Variants in UGT1A7 observed in about 807,000 individuals in gnomAD.
The protein encoded by UGT1A7 is UDP-glucuronosyltransferase 1A7.
A neutral mutation model predicts 45.6 loss-of-function variants in UGT1A7; 33 were observed. The ratio of observed to expected loss-of-function variants is 0.72; its 90% CI spans 0.55 to 0.97. UGT1A7 has a LOEUF of 0.97. Among genes scored for constraint, UGT1A7 ranks in the 50% least tolerant of loss-of-function variants. The probability of loss-of-function intolerance (pLI) is 0.00; values close to 1 mark genes in which losing one functional copy is unlikely to be tolerated. For missense variants in UGT1A7, 684 were observed against 666.2 expected, an observed-to-expected ratio of 1.03 and a Z score of -0.29; for synonymous variants, 274 against 250.6, an observed-to-expected ratio of 1.09 and a Z score of -0.88.
chr2:233,762,063 T>A (rs1697956062), intron 1 of UGT1A7, among the ~76,000 whole-genome samples: 1 of 152,180 alleles, frequency 6.6e-6, no homozygotes, highest in Non-Finnish European at 1.5e-5. Flanking sequence ...TCATAGCACA[T>A]CAAATATGGC....
At chr2:233,687,154 A>C (rs2074825974) in intron 1 of UGT1A7, among the ~76,000 whole-genome samples, 1 of 152,256 alleles carries the variant, frequency 6.6e-6, no homozygotes, top group Non-Finnish European at 1.5e-5. Flanking sequence ...TAATACATGC[A>C]GATGACTGGC....
Position 233,729,585 on chromosome 2 carries a change from C to T in UGT1A7, c.856-37449C>T, listed in dbSNP as rs138617806. ...CCTTTGATGTGGTTTTAACAGACCC[C>T]GTTAACCTCTGCGCGGCAGTGCTGG... On this transcript the variant is annotated intron_variant, in intron 1 of 4. Transcript: ENST00000373426. 5.8e-5 allele frequency: 94 copies of T among 1,614,084 alleles called. 1 individual carries two copies. Among genetic ancestry groups the T allele is most frequent in the East Asian group, 4.2e-4 (19 of 44,882 alleles).
intron 1 of UGT1A7, chr2:233,713,315 G>A (rs1559359231): frequency 1.9e-6 from 3 of 1,614,100 alleles, no homozygotes; most frequent in Admixed American, 1.7e-5. Context: ...ATCTTCTGAT[G>A]AAATTTTCTA....
At position 233,769,409 on chromosome 2, in the gene UGT1A7, G is replaced by T; in HGVS notation, c.1295+970G>T. The T allele has an allele frequency of 7.6e-7, 1 of 1,316,726 alleles. No individual in the cohort carries two copies. Among genetic ancestry groups the T allele is most frequent in the South Asian group, 1.3e-5 (1 of 78,812 alleles). 81.6% of individuals were successfully genotyped at this position (1,316,726 alleles called of 1,614,324 possible). A position where few individuals can be genotyped will look rare whatever the true frequency, so the allele number is the denominator to read the frequency against. On this transcript the variant is annotated intron_variant, in intron 4 of 4. Transcript: ENST00000373426. The surrounding 1 kb of genome is among the most constrained non-coding windows in gnomAD (Gnocchi z 4.4). The stretch of plus-strand genomic sequence containing the variant: ...AGATACTGTGTGCATATGTGCGTGT[G>T]CGTTTGTGCATGTGGCTGTGCTCAT...
intron 1 of UGT1A7, among the ~76,000 whole-genome samples, chr2:233,742,528 A>G (rs896768700): frequency 1.3e-5 from 2 of 151,872 alleles, no homozygotes; most frequent in Admixed American, 6.5e-5. Flanking sequence ...AGTGCTGCAG[A>G]GATTTTGTTT....
chr2:233,748,177 G>A, intron 1 of UGT1A7: 1 of 1,581,678 alleles, frequency 6.3e-7, no homozygotes, highest in Middle Eastern at 2.3e-4. Context: ...TTATCTTTCT[G>A]GTGCTTTTAT....
At chr2:233,728,575 A>G (rs1420675714) in intron 1 of UGT1A7, among the ~76,000 whole-genome samples, 5 of 152,224 alleles carry the variant, frequency 3.3e-5, no homozygotes, top group Non-Finnish European at 7.3e-5. Context: ...TCCTGGTGCG[A>G]AAAACGACCA....
At chr2:233,729,959 G>T (rs1416622482) in intron 1 of UGT1A7, 2 of 1,614,018 alleles carry the variant, frequency 1.2e-6, no homozygotes, top group South Asian at 2.2e-5. Context: ...TTCATTGGGG[G>T]CATCAACTGT....
chr2:233,748,954 C>G (rs1349169273), intron 1 of UGT1A7, among the ~76,000 whole-genome samples: 2 of 151,646 alleles, frequency 1.3e-5, no homozygotes, highest in Non-Finnish European at 2.9e-5. Context: ...TATCCCACTC[C>G]AAGTTTCTAT....
At chr2:233,746,254 A>G (rs184175169) in intron 1 of UGT1A7, among the ~76,000 whole-genome samples, 17 of 151,944 alleles carry the variant, frequency 1.1e-4, no homozygotes, top group Non-Finnish European at 1.5e-4. Context: ...ACAAGGCAGA[A>G]CAGAACAAAA....
At chr2:233,738,160 TTCTC>T (rs1212480209) in intron 1 of UGT1A7, among the ~76,000 whole-genome samples, 1 of 152,184 alleles carries the variant, frequency 6.6e-6, no homozygotes, top group Non-Finnish European at 1.5e-5. Context: ...CTATTCCTCT[TTCTC>T]TCTTTCATGT....
chr2:233,755,190 G>A, intron 1 of UGT1A7: 9 of 1,160,210 alleles, frequency 7.8e-6, no homozygotes, highest in Non-Finnish European at 7.2e-6. Context: ...CCACTTGAGC[G>A]CCAGCTTGCG....
chr2:233,725,129 T>C (rs1238705631), intron 1 of UGT1A7, among the ~76,000 whole-genome samples: 2 of 136,286 alleles, frequency 1.5e-5, no homozygotes, highest in Non-Finnish European at 3.1e-5. Flanking sequence ...TGAGCCGAGA[T>C]GGCAGCAGTA....
chr2:233,701,384 C>T (rs558029810), intron 1 of UGT1A7, among the ~76,000 whole-genome samples: 5 of 152,108 alleles, frequency 3.3e-5, no homozygotes, highest in Non-Finnish European at 7.4e-5. Context: ...GACTCCCACA[C>T]AATAATAGTG....
intron 1 of UGT1A7, among the ~76,000 whole-genome samples, chr2:233,764,949 G>A (rs1698700873): frequency 6.6e-6 from 1 of 152,108 alleles, no homozygotes. Context: ...GGCGGGGAGA[G>A]AGGGCTCACC....
intron 1 of UGT1A7, among the ~76,000 whole-genome samples, chr2:233,687,679 G>A (rs1024397203): frequency 4.0e-5 from 6 of 151,660 alleles, no homozygotes; most frequent in Admixed American, 1.3e-4. Context: ...AAGGCAGGAA[G>A]ATCACTTAAG....
chr2:233,712,191 C>T (rs1334257892), intron 1 of UGT1A7, among the ~76,000 whole-genome samples: 1 of 152,204 alleles, frequency 6.6e-6, no homozygotes, highest in Non-Finnish European at 1.5e-5. Flanking sequence ...CTCCAGCTCC[C>T]CCGGTCCCTT....
rs34459843 is a variant in UGT1A7 at position 233,690,776 on chromosome 2, TACACACACAC to T, written c.855+7999_855+8008del. ...GTGCAGACATACACACACACACACA[TACACACACAC>T]ACACACACACACACCATTCTTAGTA... On this transcript the variant is annotated intron_variant, in intron 1 of 4. Transcript: ENST00000373426. 189 of 1,063,532 alleles carry T rather than the reference TACACACACAC, an allele frequency of 1.8e-4. 1 individual carries two copies. The African/African-American group carries it at 2.4e-3, about 13-fold the overall frequency. 65.9% of individuals were successfully genotyped at this position (1,063,532 alleles called of 1,614,324 possible).
chr2:233,695,130 C>CTTTTTTTTTT (rs71398796), intron 1 of UGT1A7, among the ~76,000 whole-genome samples: 1 of 138,840 alleles, frequency 7.2e-6, no homozygotes. Context: ...CTTTTCTTTT[C>CTTTTTTTTTT]TTTTTTTTTT....
Sources: gnomAD v4.1 joint callset for allele counts (sites outside exome capture counted in the v4.1 genomes callset) on GRCh38, gnomAD v4.1.1 for gene constraint, Gnocchi (gnomAD v3.1) non-coding constraint, MANE v1.5 for transcripts, NCBI Gene and HGNC (gene_info 2026-07-23, HGNC 2026-07-21) for gene names.